Variants in MAF observed in about 807,000 individuals in gnomAD.
MAF encodes transcription factor Maf.
A neutral mutation model predicts 22.0 loss-of-function variants in MAF; 10 were observed. The observed-to-expected ratio is 0.45, with a 90% confidence interval of 0.28 to 0.77. The LOEUF is 0.77. MAF is among the 30% of genes least tolerant of loss of function. MAF has a pLI of 0.12. For synonymous variants in MAF, 337 were observed against 255.8 expected, an observed-to-expected ratio of 1.32 and a Z score of -3.03; for missense variants, 544 against 548.4, an observed-to-expected ratio of 0.99 and a Z score of 0.08.
the MAF span, among the ~76,000 whole-genome samples, chr16:79,242,650 C>G: frequency 6.6e-6 from 1 of 151,920 alleles, no homozygotes; most frequent in Non-Finnish European, 1.5e-5. Context: ...ATCAATGAGA[C>G]AGAAAATTAA....
At chr16:79,349,255 T>C in the MAF span, among the ~76,000 whole-genome samples, 1 of 152,210 alleles carries the variant, frequency 6.6e-6, no homozygotes, top group Non-Finnish European at 1.5e-5. Context: ...AATCCCATAT[T>C]GTCCTACTCA....
chr16:79,447,545 C>A, the MAF span, among the ~76,000 whole-genome samples: 4 of 152,052 alleles, frequency 2.6e-5, no homozygotes, highest in African/African-American at 9.7e-5. Flanking sequence ...GCAATAGCTG[C>A]TATAAGTAGT....
chr16:79,211,588 CTTTCTTCT>C, the MAF span: 3 of 1,613,736 alleles, frequency 1.9e-6, no homozygotes, highest in East Asian at 6.7e-5. Context: ...TTTTTTTTGT[CTTTCTTCT>C]TGGATTTCCA....
At chr16:79,394,867 A>T in the MAF span, among the ~76,000 whole-genome samples, 1 of 152,152 alleles carries the variant, frequency 6.6e-6, no homozygotes, top group African/African-American at 2.4e-5. Flanking sequence ...AACACACATT[A>T]TAAGTGTACC....
chr16:79,573,330 T>G, the MAF span, among the ~76,000 whole-genome samples: 1 of 152,258 alleles, frequency 6.6e-6, no homozygotes, highest in Non-Finnish European at 1.5e-5. Flanking sequence ...TACATCAGGC[T>G]AAGGAAAATC....
the MAF span, among the ~76,000 whole-genome samples, chr16:79,342,612 C>A: frequency 2.0e-5 from 3 of 151,332 alleles, no homozygotes; most frequent in Non-Finnish European, 3.0e-5. Flanking sequence ...ATCATTGTCA[C>A]CATCACCATC....
the MAF span, among the ~76,000 whole-genome samples, chr16:79,397,272 G>A: frequency 2.0e-5 from 3 of 152,024 alleles, no homozygotes; most frequent in African/African-American, 7.3e-5. Flanking sequence ...TGCCCAAGAG[G>A]GGGAAAAAAA....
At chr16:79,537,813 C>T in the MAF span, among the ~76,000 whole-genome samples, 1 of 152,178 alleles carries the variant, frequency 6.6e-6, no homozygotes, top group Non-Finnish European at 1.5e-5. Context: ...AATGTGAAAC[C>T]TCTGAACCTC....
chr16:79,369,366 T>C, the MAF span, among the ~76,000 whole-genome samples: 7 of 152,222 alleles, frequency 4.6e-5, no homozygotes, highest in Non-Finnish European at 1.0e-4. Context: ...GCTTCAAGCC[T>C]GTCTCATCCC....
chr16:79,223,564 G>A, the MAF span, among the ~76,000 whole-genome samples: 5 of 152,202 alleles, frequency 3.3e-5, no homozygotes, highest in South Asian at 1.0e-3. Context: ...AAAAATCAAT[G>A]AATCCAGAAA....
At chr16:79,557,140 T>C in the MAF span, among the ~76,000 whole-genome samples, 1 of 150,146 alleles carries the variant, frequency 6.7e-6, no homozygotes, top group Non-Finnish European at 1.5e-5. Context: ...CAGCCAACAC[T>C]CCTTTCAACA....
chr16:79,405,633 A>C, the MAF span, among the ~76,000 whole-genome samples: 4 of 152,214 alleles, frequency 2.6e-5, no homozygotes, highest in South Asian at 8.3e-4. Context: ...CCAAATAGCA[A>C]AACATTTAGG....
chr16:79,330,026 A>G, the MAF span, among the ~76,000 whole-genome samples: 1 of 152,276 alleles, frequency 6.6e-6, no homozygotes, highest in African/African-American at 2.4e-5. Flanking sequence ...ATTCAACCTT[A>G]CTGATTATCA....
At chr16:79,261,592 G>T in the MAF span, among the ~76,000 whole-genome samples, 3 of 152,184 alleles carry the variant, frequency 2.0e-5, no homozygotes, top group African/African-American at 7.2e-5. Context: ...TTCTCTGGGG[G>T]AAAGATGCCT....
the MAF span, among the ~76,000 whole-genome samples, chr16:79,259,252 C>G: frequency 6.6e-6 from 1 of 152,118 alleles, no homozygotes; most frequent in Admixed American, 6.6e-5. Flanking sequence ...CTGGGATGCC[C>G]ACGCTTGCCC....
chr16:79,262,171 A>C, the MAF span, among the ~76,000 whole-genome samples: 5 of 152,212 alleles, frequency 3.3e-5, no homozygotes, highest in African/African-American at 1.2e-4. Context: ...TGCCACGACA[A>C]CTGTGCAGGA....
chr16:79,394,044 A>ACGCTTCAC, the MAF span, among the ~76,000 whole-genome samples: 20 of 152,328 alleles, frequency 1.3e-4, no homozygotes, highest in African/African-American at 4.8e-4. Flanking sequence ...GAGGAGACGA[A>ACGCTTCAC]CGCTTCACCA....
At chr16:79,404,608 A>G in the MAF span, among the ~76,000 whole-genome samples, 1 of 151,292 alleles carries the variant, frequency 6.6e-6, no homozygotes, top group Admixed American at 6.6e-5. Flanking sequence ...CATTGAAATG[A>G]CAAGCGCTTC....
At chr16:79,589,918 C>T (rs1466807722), downstream of MAF, among the ~76,000 whole-genome samples, 2 of 152,156 alleles carry the variant, frequency 1.3e-5, no homozygotes, top group African/African-American at 4.8e-5. Flanking sequence ...GGCGTCTGAG[C>T]GCACCGGCTC....
Sources: allele counts gnomAD v4.1 joint callset (sites outside exome capture counted in the v4.1 genomes callset), GRCh38; gene constraint gnomAD v4.1.1; transcripts MANE v1.5; gene names NCBI Gene and HGNC (gene_info 2026-07-23, HGNC 2026-07-21).